The following PIGN variants were observed in gnomAD, a reference collection of about 807,000 sequenced individuals.
PIGN encodes phosphatidylinositol glycan anchor biosynthesis class N, also known as GPI ethanolamine phosphate transferase 1.
In PIGN, 117 loss-of-function variants were observed where a neutral mutation model predicts 125.4. The observed-to-expected ratio is 0.93, with a 90% CI of 0.80 to 1.09. The LOEUF (loss-of-function observed/expected upper bound fraction) is 1.09. Ranked by LOEUF, PIGN falls within the 50% of genes least tolerant of loss-of-function variation. The pLI is 0.00. For missense variants in PIGN, 1,075 were observed against 1,094.9 expected (o/e 0.98, Z 0.26); for synonymous variants, 392 against 377.8 (o/e 1.04, Z -0.44).
At chr18:62,139,529 C>T (rs1400012110) in intron 12 of PIGN, among the ~76,000 whole-genome samples, 1 of 152,176 alleles carries the variant, frequency 6.6e-6, no homozygotes, top group African/African-American at 2.4e-5. Flanking sequence ...TATTACTTAG[C>T]ATTCTGGGTT....
Position 62,049,162 on chromosome 18 carries a change from T to C in PIGN, c.2673-3183A>G, listed in dbSNP as rs1198853073. On this transcript the variant is annotated intron_variant, in intron 30 of 30. Coordinates refer to ENST00000640252, the MANE Select transcript of PIGN (RefSeq NM_176787.5). ...ATTGTGAATAGTGCCGCAATAAACA[T>C]ACGTGTGCATGTGTCTTTATAGCAG... 4.6e-5 allele frequency among the ~76,000 whole-genome samples: 7 copies of C among 152,128 alleles called. No homozygotes were observed. The East Asian group carries it at 1.4e-3, about 29-fold the overall frequency.
chr18:62,132,604 G>T (rs898998946), intron 14 of PIGN, among the ~76,000 whole-genome samples: 1 of 152,030 alleles, frequency 6.6e-6, no homozygotes, highest in Admixed American at 6.6e-5. Flanking sequence ...CACTTTGGGA[G>T]GCCAAGGCAG....
rs746000030 is a variant in PIGN at position 62,161,399 on chromosome 18, C to T, written c.-32-14G>A. ...CTTCAAGAACAGCTGAAAGAGAGAA[C>T]AAAATTAAATTGGGGTAAATCTTAA... is the stretch of plus-strand genomic sequence containing the variant. On this transcript the variant is annotated splice_polypyrimidine_tract_variant and intron_variant, in intron 3 of 30. Coordinates refer to ENST00000640252, the MANE Select transcript of PIGN (RefSeq NM_176787.5). 4.6e-6 allele frequency: 6 copies of T among 1,316,810 alleles called. No individual in the cohort carries two copies. The highest frequency in any genetic ancestry group is 2.4e-5 in the East Asian group (1 of 42,046). The allele number at this position is 1,316,810 out of a possible 1,614,324, so 81.6% of individuals were successfully genotyped here.
downstream of PIGN, among the ~76,000 whole-genome samples, chr18:62,039,775 C>T (rs146152967): frequency 8.5e-4 from 29 of 34,308 alleles, 4 homozygotes; most frequent in Non-Finnish European, 1.5e-3. Flanking sequence ...ATGTTTAGGG[C>T]CCATCCAGAG....
At chr18:62,080,167 C>A (rs956771542) in intron 28 of PIGN, among the ~76,000 whole-genome samples, 1 of 152,146 alleles carries the variant, frequency 6.6e-6, no homozygotes, top group Non-Finnish European at 1.5e-5. Flanking sequence ...CCAATCCCTG[C>A]CGTGTAGCCA....
At chr18:62,157,102 T>G in intron 6 of PIGN, 27 bp downstream of exon 6, 2 of 1,194,640 alleles carry the variant, frequency 1.7e-6, no homozygotes, top group Non-Finnish European at 2.4e-6. Flanking sequence ...ATTTACTATC[T>G]GAGGAAACAT....
At position 62,044,025 on chromosome 18, in the gene PIGN, G is replaced by A. The variant is rs538012519; in HGVS notation, c.*1831C>T. 6.6e-6 allele frequency: 1 copy of A among 152,280 alleles called. No homozygotes were observed. Among genetic ancestry groups the A allele is most frequent in the South Asian group, 2.1e-4 (1 of 4,826 alleles). 9.4% of individuals were successfully genotyped at this position (152,280 alleles called of 1,614,324 possible). On this transcript the variant is annotated 3_prime_UTR_variant, in exon 31 of 31. Transcript: ENST00000640252. ...CAACAGAAAAGGCTTGTTCCCATGT[G>A]AGTCTGAAGGGGCCAGTTACGGTGC...
intron 30 of PIGN, among the ~76,000 whole-genome samples, chr18:62,062,470 G>T (rs1346829248): frequency 6.6e-6 from 1 of 152,116 alleles, no homozygotes; most frequent in Non-Finnish European, 1.5e-5. Context: ...GATAAACTAA[G>T]GTTTAACATA....
chr18:62,071,863 CATATATATATATATATATATATAT>C lies in PIGN; in HGVS notation c.2672+786_2672+809del, dbSNP rs61508545. 1.6e-3 allele frequency among the ~76,000 whole-genome samples: 128 copies of C among 77,606 alleles called. 2 individuals carry two copies. The highest frequency in any genetic ancestry group is 6.8e-3 in the South Asian group (12 of 1,774). The allele number at this position is 77,606 out of a possible 152,430, so 50.9% of individuals were successfully genotyped here. A position where few individuals can be genotyped will look rare whatever the true frequency, so the allele number is the denominator to read the frequency against. On this transcript the variant is annotated intron_variant, in intron 30 of 30. Transcript: ENST00000640252. Reference sequence around the variant, plus strand: ...CGTTTTTTAGACTGTACTCCTTTTCCATATATATATATATATATATATATATATATATATATATATATATATAAA... The same window carrying C: ...CGTTTTTTAGACTGTACTCCTTTTCCATATATATATATATATATATATAAA...
chr18:62,113,378 G>T, intron 15 of PIGN, 62 bp from the exon 16 acceptor site: 2 of 1,321,690 alleles, frequency 1.5e-6, no homozygotes, highest in Non-Finnish European at 2.1e-6. Context: ...ACATTTTAAA[G>T]AAAGGAAAAT....
intron 29 of PIGN, among the ~76,000 whole-genome samples, chr18:62,074,312 C>T (rs992725464): frequency 6.6e-6 from 1 of 152,218 alleles, no homozygotes; most frequent in Non-Finnish European, 1.5e-5. Flanking sequence ...TGAGAGAGGC[C>T]TACCTACATA....
intron 15 of PIGN, among the ~76,000 whole-genome samples, chr18:62,114,261 C>G (rs917633655): frequency 6.6e-6 from 1 of 151,716 alleles, no homozygotes; most frequent in African/African-American, 2.4e-5. Context: ...ACTCAGGAGG[C>G]TGAGGCAGGA....
At chr18:62,111,857 C>A (rs1472047046) in intron 16 of PIGN, among the ~76,000 whole-genome samples, 1 of 152,106 alleles carries the variant, frequency 6.6e-6, no homozygotes, top group East Asian at 1.9e-4. Context: ...ACCATACACT[C>A]AATTAAATAT....
chr18:62,061,240 T>G (rs1410677655), intron 30 of PIGN, among the ~76,000 whole-genome samples: 1 of 152,126 alleles, frequency 6.6e-6, no homozygotes, highest in Non-Finnish European at 1.5e-5. Flanking sequence ...CTATACTTAT[T>G]AACCTGCAAC....
At position 62,106,815 on chromosome 18, in the gene PIGN, G is replaced by T; in HGVS notation, c.1741C>A (p.Leu581Ile). 6.2e-7 allele frequency: 1 copy of T among 1,608,042 alleles called. No homozygotes were observed. Among genetic ancestry groups the T allele is most frequent in the South Asian group, 1.1e-5 (1 of 89,606 alleles). The change falls in exon 19 of 31, where the codon CTC becomes ATC. Residue 581 changes from leucine to isoleucine, a missense_variant. Leu to Ile is a conservative substitution (Grantham distance 5, BLOSUM62 2). Coordinates refer to ENST00000640252, the MANE Select transcript of PIGN (RefSeq NM_176787.5). ...GLTAFAAWPF[L>I]TRLWTRAKMT... ...TTTGCTCGAGTCCACAGCCGAGTGAGAAATGGCCAAGCTGCAAAGGCAGTA... is the reference window on the plus strand; with the variant it reads ...TTTGCTCGAGTCCACAGCCGAGTGATAAATGGCCAAGCTGCAAAGGCAGTA...
downstream of PIGN, among the ~76,000 whole-genome samples, chr18:62,040,254 C>A (rs1390278344): frequency 6.9e-6 from 1 of 145,792 alleles, no homozygotes; most frequent in African/African-American, 2.6e-5. Flanking sequence ...GGTGCCGCAC[C>A]CCATGTTTAG....
At position 62,045,929 on chromosome 18, in the gene PIGN, AG is replaced by A; in HGVS notation, c.2722del (p.Leu908SerfsTer42). ...TGTGAGCAGCTGGGCCAGGCCATTG[AG>A]GAACACCAAAAAGATGGTCATGGAC... ...VMSMTIFLVF[L>X]NGLAQLLTTK... On this transcript the variant is annotated frameshift_variant, in exon 31 of 31. Coordinates refer to ENST00000640252, the MANE Select transcript of PIGN (RefSeq NM_176787.5). LOFTEE classifies it high-confidence loss of function. 1 of 1,613,600 alleles carries A rather than the reference AG, an allele frequency of 6.2e-7. No individual in the cohort carries two copies. Among genetic ancestry groups the A allele is most frequent in the African/African-American group, 1.3e-5 (1 of 75,030 alleles).
chr18:62,176,339 T>C (rs1168936512), intron 1 of PIGN, among the ~76,000 whole-genome samples: 2 of 151,976 alleles, frequency 1.3e-5, no homozygotes, highest in Non-Finnish European at 2.9e-5. Context: ...AACATCACAG[T>C]AATTATTGCC....
chr18:62,123,988 C>A (rs1414123587), intron 14 of PIGN, among the ~76,000 whole-genome samples: 1 of 151,628 alleles, frequency 6.6e-6, no homozygotes, highest in African/African-American at 2.4e-5. Flanking sequence ...CTTTTATGAA[C>A]TAATTATGAG....
Sources: allele counts gnomAD v4.1 joint callset (sites outside exome capture counted in the v4.1 genomes callset), GRCh38; gene constraint gnomAD v4.1.1; transcripts MANE v1.5; gene names NCBI Gene and HGNC (gene_info 2026-07-23, HGNC 2026-07-21).